RYR3: variants seen among roughly 807,000 people sequenced by gnomAD.
RYR3 encodes the protein ryanodine receptor 3, also known as brain ryanodine receptor-calcium release channel.
A neutral mutation model predicts 584.3 loss-of-function variants in RYR3; 207 were observed. The observed-to-expected ratio is 0.35, with a 90% CI of 0.32 to 0.40. The LOEUF is 0.40. RYR3 is among the 10% of genes least tolerant of loss of function. The probability of loss-of-function intolerance (pLI) is 1.00; values close to 1 mark genes in which losing one functional copy is unlikely to be tolerated. For missense variants in RYR3, 5,616 were observed against 6,089.2 expected (o/e 0.92, Z 2.59); for synonymous variants, 2,416 against 2,248.5 (o/e 1.07, Z -2.11).
At chr15:33,675,685 A>G (rs1460833786) in intron 38 of RYR3, among the ~76,000 whole-genome samples, 1 of 152,240 alleles carries the variant, frequency 6.6e-6, no homozygotes, top group Non-Finnish European at 1.5e-5. Flanking sequence ...TATAAGCATT[A>G]CATTAGTTAA....
At chr15:33,821,500 C>T (rs1440243971) in intron 79 of RYR3, 23 bp from the exon 80 acceptor site, 1 of 1,612,986 alleles carries the variant, frequency 6.2e-7, no homozygotes, top group Non-Finnish European at 8.5e-7. Context: ...CTTGGTGATT[C>T]AATCGAATCT....
At chr15:33,469,542 G>A (rs2048760544) in intron 1 of RYR3, among the ~76,000 whole-genome samples, 1 of 151,952 alleles carries the variant, frequency 6.6e-6, no homozygotes, top group African/African-American at 2.4e-5. Context: ...AGGACTCAGA[G>A]ATACGAGATA....
At chr15:33,592,181 A>G (rs1037715973) in intron 16 of RYR3, among the ~76,000 whole-genome samples, 1 of 152,132 alleles carries the variant, frequency 6.6e-6, no homozygotes, top group African/African-American at 2.4e-5. Flanking sequence ...CGTAGTCAAA[A>G]TTTATTTTTT....
Position 33,854,433 on chromosome 15 carries a change from T to C in RYR3, c.13844T>C (p.Val4615Ala). The change falls in exon 97 of 104, where the codon GTT becomes GCT. Residue 4615 changes from valine (V) to alanine (A), a missense_variant. Transcript: ENST00000634891. Reference sequence around the variant, plus strand: ...AAGTACCATATCTGGAAGCTTGGAGTTGTTTTTACTGACAACGTAAGTACT... The same window carrying C: ...AAGTACCATATCTGGAAGCTTGGAGCTGTTTTTACTGACAACGTAAGTACT... ...DMKYHIWKLG[V>A]VFTDNSFLYL... The C allele has an allele frequency of 3.2e-6, 5 of 1,574,978 alleles. No homozygotes were observed. The highest frequency in any genetic ancestry group is 4.3e-6 in the Non-Finnish European group (5 of 1,159,104).
intron 3 of RYR3, among the ~76,000 whole-genome samples, chr15:33,529,439 G>T (rs191499904): frequency 1.2e-3 from 183 of 152,264 alleles, no homozygotes; most frequent in African/African-American, 4.2e-3. Context: ...CCTCTGCATT[G>T]CTCATTGGTG....
At chr15:33,417,877 A>G (rs2043930851) in intron 1 of RYR3, among the ~76,000 whole-genome samples, 1 of 151,920 alleles carries the variant, frequency 6.6e-6, no homozygotes, top group Non-Finnish European at 1.5e-5. Flanking sequence ...TAGTTTGTTG[A>G]GGGTTTTTAT....
intron 67 of RYR3, among the ~76,000 whole-genome samples, chr15:33,797,181 C>T (rs1227277412): frequency 6.6e-6 from 1 of 152,120 alleles, no homozygotes; most frequent in Non-Finnish European, 1.5e-5. Context: ...CCATCTCCTC[C>T]ATATGGCAGA....
chr15:33,499,798 C>G (rs1470520921), intron 2 of RYR3, among the ~76,000 whole-genome samples: 1 of 152,174 alleles, frequency 6.6e-6, no homozygotes, highest in Non-Finnish European at 1.5e-5. Context: ...TCAGGTAGTC[C>G]TACACTATAG....
chr15:33,505,162 A>G (rs2052361456), intron 3 of RYR3, among the ~76,000 whole-genome samples: 1 of 152,250 alleles, frequency 6.6e-6, no homozygotes. Context: ...AATTGACCAT[A>G]GAATCAAGAG....
At chr15:33,556,915 G>GATTTAT (rs2057104929) in intron 10 of RYR3, among the ~76,000 whole-genome samples, 1 of 151,866 alleles carries the variant, frequency 6.6e-6, no homozygotes, top group Non-Finnish European at 1.5e-5. Context: ...TGTGCTTGTT[G>GATTTAT]ATTTATATGT....
At chr15:33,491,209 C>T (rs1351519264) in intron 2 of RYR3, among the ~76,000 whole-genome samples, 3 of 152,144 alleles carry the variant, frequency 2.0e-5, no homozygotes, top group Non-Finnish European at 2.9e-5. Context: ...GTGCTGGTGT[C>T]ATCACAAAAT....
intron 2 of RYR3, among the ~76,000 whole-genome samples, chr15:33,502,184 T>C (rs939210274): frequency 6.6e-6 from 1 of 152,170 alleles, no homozygotes; most frequent in African/African-American, 2.4e-5. Context: ...AAAGGAAAAT[T>C]GTAGGCAGGT....
intron 38 of RYR3, among the ~76,000 whole-genome samples, chr15:33,675,888 G>A (rs1057408300): frequency 6.6e-6 from 1 of 152,058 alleles, no homozygotes; most frequent in Non-Finnish European, 1.5e-5. Flanking sequence ...GGAGACATTG[G>A]GAACAGGAGC....
At position 33,837,007 on chromosome 15, in the gene RYR3, CT is replaced by C; in HGVS notation, c.11650+21del. ...TGGAAGGTTGGGCTGTTTGGTATAACTAGGCCTTCACACAACTGTAATTGGT... is the reference window on the plus strand; with the variant it reads ...TGGAAGGTTGGGCTGTTTGGTATAACAGGCCTTCACACAACTGTAATTGGT... On this transcript the variant is annotated intron_variant, in intron 88 of 103. Coordinates refer to ENST00000634891, the MANE Select transcript of RYR3 (RefSeq NM_001036.6). The C allele has an allele frequency of 6.3e-7, 1 of 1,586,472 alleles. No individual in the cohort carries two copies. The highest frequency in any genetic ancestry group is 8.6e-7 in the Non-Finnish European group (1 of 1,156,638).
At chr15:33,573,608 A>G (rs1023937905) in intron 12 of RYR3, among the ~76,000 whole-genome samples, 7 of 152,230 alleles carry the variant, frequency 4.6e-5, no homozygotes, top group Non-Finnish European at 1.0e-4. Flanking sequence ...GAGACAACAA[A>G]TAAATCATTA....
At position 33,477,823 on chromosome 15, in the gene RYR3, G is replaced by C. The variant is rs2082754; in HGVS notation, c.171+4285G>C. Among the ~76,000 whole-genome samples the C allele has an allele frequency of 4.0e-4, 46 of 115,700 alleles. 2 individuals carry two copies. The highest frequency in any genetic ancestry group is 1.9e-3 in the African/African-American group (32 of 16,416). The allele number at this position is 115,700 out of a possible 152,430, so 75.9% of individuals were successfully genotyped here. A position where few individuals can be genotyped will look rare whatever the true frequency, so the allele number is the denominator to read the frequency against. ...CCGGGAGGCGGAGGTTGCAGTGAGC[G>C]GAGATGGCGCCACTGCACTCCAGCC... On this transcript the variant is annotated intron_variant, in intron 2 of 103. Transcript: ENST00000634891.
chr15:33,635,308 T>C (rs1212331095), intron 25 of RYR3, among the ~76,000 whole-genome samples: 1 of 152,196 alleles, frequency 6.6e-6, no homozygotes, highest in Non-Finnish European at 1.5e-5. Context: ...TTTACCTCTT[T>C]GAGCCTGAAT....
chr15:33,676,030 G>A (rs2064154904), intron 38 of RYR3, among the ~76,000 whole-genome samples: 1 of 152,006 alleles, frequency 6.6e-6, no homozygotes, highest in African/African-American at 2.4e-5. Context: ...GGATATGTTA[G>A]GTTAAATGGT....
intron 1 of RYR3, among the ~76,000 whole-genome samples, chr15:33,393,240 T>C (rs1356293501): frequency 6.6e-6 from 1 of 152,250 alleles, no homozygotes; most frequent in African/African-American, 2.4e-5. Context: ...AATGAGGAGC[T>C]GAAACTTCCC....
Sources: allele counts gnomAD v4.1 joint callset (sites outside exome capture counted in the v4.1 genomes callset), GRCh38; gene constraint gnomAD v4.1.1; transcripts MANE v1.5; gene names NCBI Gene and HGNC (gene_info 2026-07-23, HGNC 2026-07-21).